The following TRPM2 variants were observed in gnomAD, a reference collection of about 807,000 sequenced individuals.
TRPM2 encodes the protein estrogen-responsive element-associated gene 1 protein.
A neutral mutation model predicts 174.0 loss-of-function variants in TRPM2; 161 were observed. The observed-to-expected ratio is 0.93, with a 90% confidence interval of 0.81 to 1.05. TRPM2 has a LOEUF of 1.05. Ranked by LOEUF, TRPM2 falls within the 50% of genes least tolerant of loss-of-function variation. TRPM2 has a pLI of 0.00. For missense variants in TRPM2, 2,057 were observed against 2,038.0 expected (o/e 1.01, Z -0.18); for synonymous variants, 954 against 861.3 (o/e 1.11, Z -1.88).
chr21:44,407,422 G>A (rs1297619167), intron 19 of TRPM2, among the ~76,000 whole-genome samples: 3 of 141,338 alleles, frequency 2.1e-5, no homozygotes, highest in Non-Finnish European at 4.5e-5. Flanking sequence ...CACCATGCCT[G>A]CCAGAGAGAA....
chr21:44,357,599 C>T lies in TRPM2; in HGVS notation c.254+2863C>T, dbSNP rs370328669. ...CACGTGGCCACCTGCAAAGCCCATT[C>T]GAGGCTCAGAGCCCAGGGCGTGCAT... is the stretch of plus-strand genomic sequence containing the variant. On this transcript the variant is annotated intron_variant, in intron 2 of 31. Transcript: ENST00000397928. Among the ~76,000 whole-genome samples the T allele has an allele frequency of 7.9e-5, 12 of 152,338 alleles. No individual in the cohort carries two copies. The South Asian group carries it at 1.2e-3, about 16-fold the overall frequency.
intron 19 of TRPM2, among the ~76,000 whole-genome samples, chr21:44,408,297 A>C (rs922928480): frequency 2.0e-5 from 3 of 152,016 alleles, no homozygotes; most frequent in Non-Finnish European, 4.4e-5. Context: ...AGTTATTTAC[A>C]GGGTTTTGTG....
intron 19 of TRPM2, among the ~76,000 whole-genome samples, chr21:44,409,248 A>G (rs1034914134): frequency 1.3e-5 from 2 of 152,130 alleles, no homozygotes; most frequent in Non-Finnish European, 2.9e-5. Flanking sequence ...TAAGTGTTTT[A>G]TAGCTTTCGC....
chr21:44,424,710 G>C (rs1223920339), intron 23 of TRPM2, 142 bp from the exon 24 acceptor site: 1 of 534,012 alleles, frequency 1.9e-6, no homozygotes, highest in Non-Finnish European at 3.2e-6. Context: ...GGAGGACGTG[G>C]TGTCTCACTT....
intron 15 of TRPM2, 33 bp from the exon 16 acceptor site, chr21:44,401,648 G>T: frequency 6.2e-7 from 1 of 1,607,220 alleles, no homozygotes. Flanking sequence ...GGCCCTGGTG[G>T]TCACTGTCTC....
chr21:44,429,278 C>CTTTTTTTTTTTTT (rs35708355), intron 27 of TRPM2, among the ~76,000 whole-genome samples: 13 of 44,194 alleles, frequency 2.9e-4, no homozygotes, highest in Non-Finnish European at 3.7e-4. Context: ...TTTTCTTTTT[C>CTTTTTTTTTTTTT]TTTTTTTTTT....
In TRPM2 at chr21:44,437,142, T is replaced by C. The variant is rs1489290905; in HGVS notation, c.4142T>C (p.Leu1381Pro). Reference sequence around the variant, plus strand: ...GAAGTGCTGGTGGTGAAGCTCCCTCTCTCCGAGCACTGGGCCCTGCCTGGG... The same window carrying C: ...GAAGTGCTGGTGGTGAAGCTCCCTCCCTCCGAGCACTGGGCCCTGCCTGGG... The part of the protein sequence containing the change: ...MLEVLVVKLP[L>P]SEHWALPGGS... The change falls in exon 29 of 32, where the codon CTC becomes CCC. Residue 1381 changes from leucine to proline, a missense_variant. Physicochemically the swap from Leu to Pro is moderately conservative, Grantham distance 98. Transcript: ENST00000397928. 1 of 1,551,326 alleles carries C rather than the reference T, an allele frequency of 6.4e-7. No homozygotes were observed. Among genetic ancestry groups the C allele is most frequent in the Non-Finnish European group, 8.7e-7 (1 of 1,146,868 alleles).
At chr21:44,369,648 G>C (rs57277056) in intron 5 of TRPM2, among the ~76,000 whole-genome samples, 1 of 6,122 alleles carries the variant, frequency 1.6e-4, no homozygotes, top group Admixed American at 8.8e-4. Context: ...GGTGCTGCGG[G>C]GAGCAGGTGG....
At chr21:44,350,864 C>T (rs2047917559), upstream of TRPM2, among the ~76,000 whole-genome samples, 5 of 151,942 alleles carry the variant, frequency 3.3e-5, no homozygotes, top group Admixed American at 3.3e-4. Context: ...GGATGAGGGA[C>T]TCAGCCGTCC....
rs544851731 is a variant in TRPM2 at position 44,366,404 on chromosome 21, C to T, written c.424-350C>T. Reference sequence around the variant, plus strand: ...AGACCCGGGGGAGGCAGGGCCCAGGCGCTACGGCGGGAATTGGAGTCTGTG... The same window carrying T: ...AGACCCGGGGGAGGCAGGGCCCAGGTGCTACGGCGGGAATTGGAGTCTGTG... On this transcript the variant is annotated intron_variant, in intron 3 of 31. Transcript: ENST00000397928. The surrounding 1 kb of genome is among the most constrained non-coding windows in gnomAD (Gnocchi z 6.0). Among the ~76,000 whole-genome samples the T allele has an allele frequency of 1.6e-4, 24 of 148,700 alleles. No individual in the cohort carries two copies. The highest frequency in any genetic ancestry group is 4.2e-4 in the African/African-American group (16 of 38,176).
chr21:44,425,871 C>G, intron 25 of TRPM2, 44 bp downstream of exon 25: 1 of 1,490,178 alleles, frequency 6.7e-7, no homozygotes, highest in African/African-American at 1.4e-5. Flanking sequence ...GGCCGGGCCC[C>G]TGGGGAGGGG....
At position 44,437,050 on chromosome 21, in the gene TRPM2, C is replaced by T. The variant is rs1201061179; in HGVS notation, c.4062-12C>T. ...AGCGGGTCCTGGGCAGCCATGGCCGCTCTCTCCGCAGGTGGAGGCGGAACG... is the reference window on the plus strand; with the variant it reads ...AGCGGGTCCTGGGCAGCCATGGCCGTTCTCTCCGCAGGTGGAGGCGGAACG... On this transcript the variant is annotated splice_polypyrimidine_tract_variant and intron_variant, in intron 28 of 31. Coordinates refer to ENST00000397928, the MANE Select transcript of TRPM2 (RefSeq NM_003307.4). 1 of 1,549,368 alleles carries T rather than the reference C, an allele frequency of 6.5e-7. No individual in the cohort carries two copies. The highest frequency in any genetic ancestry group is 2.0e-5 in the Admixed American group (1 of 50,982).
chr21:44,362,219 T>C (rs1016527200), intron 2 of TRPM2, among the ~76,000 whole-genome samples: 4 of 151,934 alleles, frequency 2.6e-5, no homozygotes, highest in Non-Finnish European at 5.9e-5. Flanking sequence ...TATATTGAAA[T>C]GAGGGCCGGG....
intron 6 of TRPM2, 106 bp from the exon 7 acceptor site, chr21:44,377,606 C>A (rs190914290): frequency 2.0e-4 from 295 of 1,471,652 alleles, no homozygotes; most frequent in East Asian, 1.1e-3. Flanking sequence ...TCTTGCCCCC[C>A]ACCTCTGTCC....
chr21:44,373,617 G>A (rs1416996201), intron 5 of TRPM2, among the ~76,000 whole-genome samples: 1 of 120,524 alleles, frequency 8.3e-6, no homozygotes, highest in Non-Finnish European at 1.8e-5. Context: ...CATTATATGC[G>A]ACCTGCATTA....
At chr21:44,351,892 T>C (rs1355289036), upstream of TRPM2, among the ~76,000 whole-genome samples, 2 of 152,198 alleles carry the variant, frequency 1.3e-5, no homozygotes, top group African/African-American at 2.4e-5. Context: ...TGTGCTGAGG[T>C]GGACAGCTGC....
In TRPM2 at chr21:44,375,888, G is replaced by T; in HGVS notation, c.827G>T (p.Cys276Phe). The T allele has an allele frequency of 6.2e-7, 1 of 1,614,078 alleles. No individual in the cohort carries two copies. ...LDEDGQGNLT[C>F]LDSNHSHFIL... ...GAGGATGGCCAAGGGAACCTGACCT[G>T]CCTAGACAGCAACCACTCTCACTTC... The change falls in exon 6 of 32, where the codon TGC becomes TTC. Residue 276 changes from cysteine to phenylalanine, a missense_variant. Physicochemically the swap from Cys to Phe is radical, Grantham distance 205. Coordinates refer to ENST00000397928, the MANE Select transcript of TRPM2 (RefSeq NM_003307.4).
rs763649131 is a variant in TRPM2, at chr21:44,366,852, C to G, written c.522C>G (p.Thr174=). The change falls in exon 4 of 32, where the codon ACC becomes ACG. Residue 174 remains threonine (T), a synonymous_variant. Transcript: ENST00000397928. The surrounding 1 kb of genome is among the most constrained non-coding windows in gnomAD (Gnocchi z 6.0). ...LDVPNLLISV[T]GGAKNFNMKP... is the part of the protein sequence containing the mutation. ...TCCCCAATCTCTTGATCTCGGTGAC[C>G]GGGGGGGCCAAGAACTTCAACATGA... The G allele has an allele frequency of 6.2e-7, 1 of 1,613,538 alleles. No individual in the cohort carries two copies. Among genetic ancestry groups the G allele is most frequent in the Non-Finnish European group, 8.5e-7 (1 of 1,179,776 alleles).
rs1601235749 is a variant in TRPM2, at chr21:44,425,660, C to G, written c.3638-10C>G. On this transcript the variant is annotated splice_polypyrimidine_tract_variant and intron_variant, in intron 24 of 31. Transcript: ENST00000397928. ...TCCGCCTTGCGTCACGTCTTCCTGA[C>G]TGTCCCCAGCCTCCCAGAAGGCCGC... 6.7e-7 allele frequency: 1 copy of G among 1,496,214 alleles called. No homozygotes were observed. Among genetic ancestry groups the G allele is most frequent in the East Asian group, 2.5e-5 (1 of 39,804 alleles). The allele number at this position is 1,496,214 out of a possible 1,614,324, so 92.7% of individuals were successfully genotyped here.
Sources: gnomAD v4.1 joint callset for allele counts (sites outside exome capture counted in the v4.1 genomes callset) on GRCh38, gnomAD v4.1.1 for gene constraint, Gnocchi (gnomAD v3.1) non-coding constraint, MANE v1.5 for transcripts, NCBI Gene and HGNC (gene_info 2026-07-23, HGNC 2026-07-21) for gene names.